Variants in ANKRD30BL observed in about 807,000 individuals in gnomAD.
ANKRD30BL encodes putative ankyrin repeat domain-containing protein 30B-like.
A neutral mutation model predicts 18.4 loss-of-function variants in ANKRD30BL; 20 were observed. The observed-to-expected ratio is 1.09, with a 90% CI of 0.77 to 1.58. The LOEUF is 1.58. Among genes scored for constraint, ANKRD30BL ranks in the 40% most tolerant of loss-of-function variants. The pLI, the probability that ANKRD30BL is intolerant of heterozygous loss-of-function variation, is 0.00. For synonymous variants in ANKRD30BL, 72 were observed against 100.9 expected (o/e 0.71, Z 1.72); for missense variants, 224 against 268.6 (o/e 0.83, Z 1.16).
chr2:132,254,880 C>A (rs530911759), intron 1 of ANKRD30BL, among the ~76,000 whole-genome samples: 33 of 152,326 alleles, frequency 2.2e-4, no homozygotes, highest in Non-Finnish European at 4.3e-4. Flanking sequence ...CATGCACCAC[C>A]ACCCGTGGAA....
At chr2:132,236,632 C>G (rs1680159333) in intron 1 of ANKRD30BL, among the ~76,000 whole-genome samples, 1 of 152,144 alleles carries the variant, frequency 6.6e-6, no homozygotes, top group Non-Finnish European at 1.5e-5. Flanking sequence ...ACAACACATG[C>G]TGGAGACGAT....
chr2:132,244,551 T>G (rs150102472), intron 1 of ANKRD30BL, among the ~76,000 whole-genome samples: 1 of 152,350 alleles, frequency 6.6e-6, no homozygotes, highest in Admixed American at 6.5e-5. Flanking sequence ...ATGGAAACTT[T>G]GAGTGCTTTG....
chr2:132,221,578 A>C (rs113743174), intron 1 of ANKRD30BL, among the ~76,000 whole-genome samples: 227 of 81,966 alleles, frequency 2.8e-3, no homozygotes, highest in Middle Eastern at 0.026. Flanking sequence ...CCAGCCGCCC[A>C]GTCTGGGAGG....
In ANKRD30BL at chr2:132,154,758, G is replaced by A. The variant is rs1206468845; in HGVS notation, c.518C>T (p.Thr173Ile). The A allele has an allele frequency of 5.6e-6, 4 of 711,378 alleles. No homozygotes were observed. The East Asian group carries it at 1.1e-4, about 19-fold the overall frequency. 44.1% of individuals were successfully genotyped at this position (711,378 alleles called of 1,614,324 possible). A position where few individuals can be genotyped will look rare whatever the true frequency, so the allele number is the denominator to read the frequency against. The stretch of plus-strand genomic sequence containing the variant: ...TTTCCTTATGGCCAGTAAAAGTGGT[G>A]TGTGGCCAGCCTGTAAAACAGCAAA... ...DIEVKNKAGHTPLLLAIRKRS... is the reference protein window; with the variant it reads ...DIEVKNKAGHIPLLLAIRKRS... Residue 173 changes from threonine to isoleucine, a missense_variant, in exon 4 of 6, where the codon ACA (threonine) becomes ATA (isoleucine). By Grantham distance (89) the Thr-to-Ile change is moderately conservative. Transcript: ENST00000409867.
chr2:132,226,777 G>A (rs896711191), intron 1 of ANKRD30BL, among the ~76,000 whole-genome samples: 16 of 151,564 alleles, frequency 1.1e-4, no homozygotes, highest in African/African-American at 3.9e-4. Flanking sequence ...CCTTTCTTTT[G>A]ATTGAGAATT....
chr2:132,154,244 C>A (rs1358108794), intron 4 of ANKRD30BL, among the ~76,000 whole-genome samples: 2 of 152,262 alleles, frequency 1.3e-5, no homozygotes, highest in South Asian at 2.1e-4. Context: ...AGATAACAGA[C>A]AACAGCTACC....
chr2:132,178,614 G>T (rs2104945820), intron 1 of ANKRD30BL, among the ~76,000 whole-genome samples: 1 of 127,246 alleles, frequency 7.9e-6, no homozygotes, highest in Admixed American at 8.1e-5. Context: ...TCTAGACCAA[G>T]AAGATATTTT....
In ANKRD30BL at chr2:132,175,821, A is replaced by C. The variant is rs534905476; in HGVS notation, n.442-18675T>G. Among the ~76,000 whole-genome samples, 30 of 152,356 alleles carry C rather than the reference A, an allele frequency of 2.0e-4. No individual in the cohort carries two copies. In the South Asian group the frequency reaches 6.0e-3, roughly 31 times the overall value. On this transcript the variant is annotated intron_variant and non_coding_transcript_variant, in intron 1 of 4. Transcript: ENST00000470729. ...ATTTTGTTAACAAGGCACATCCTGC[A>C]CAGCCCTAGATCCCTTAAACCTTGA...
intron 1 of ANKRD30BL, among the ~76,000 whole-genome samples, chr2:132,188,924 T>TG (rs1558925149): frequency 6.6e-6 from 1 of 152,116 alleles, no homozygotes; most frequent in Non-Finnish European, 1.5e-5. Flanking sequence ...GTCCTGGACT[T>TG]GCAAGGGCCT....
chr2:132,221,445 C>A (rs1205627097), intron 1 of ANKRD30BL, among the ~76,000 whole-genome samples: 4 of 132,400 alleles, frequency 3.0e-5, no homozygotes, highest in African/African-American at 9.9e-5. Flanking sequence ...GCCTGGCCAG[C>A]CACCCCGTCC....
intron 1 of ANKRD30BL, among the ~76,000 whole-genome samples, chr2:132,158,643 T>G (rs1230488681): frequency 6.6e-6 from 1 of 150,946 alleles, no homozygotes. Context: ...TCAGCTTACA[T>G]GTGATAAATT....
intron 1 of ANKRD30BL, among the ~76,000 whole-genome samples, chr2:132,211,441 T>C (rs1679346105): frequency 6.6e-6 from 1 of 152,260 alleles, no homozygotes; most frequent in African/African-American, 2.4e-5. Flanking sequence ...TTCTGTGTGA[T>C]ATATGCATTC....
Position 132,161,837 on chromosome 2 carries a change from G to A in ANKRD30BL, c.-132C>T. ...AGACTAGAAATCTCAGTCGGGCCAA[G>A]CTTTTGGACACTCCAACCTCTCCCG... On this transcript the variant is annotated 5_prime_UTR_variant, in exon 1 of 6. Coordinates refer to ENST00000409867, the MANE Select transcript of ANKRD30BL (RefSeq NM_001358416.1). 2 of 622,120 alleles carry A rather than the reference G, an allele frequency of 3.2e-6. No homozygotes were observed. The highest frequency in any genetic ancestry group is 2.0e-5 in the South Asian group (1 of 50,894). The allele number at this position is 622,120 out of a possible 1,614,324, so 38.5% of individuals were successfully genotyped here. A position where few individuals can be genotyped will look rare whatever the true frequency, so the allele number is the denominator to read the frequency against.
At chr2:132,237,325 G>A (rs1002803182) in intron 1 of ANKRD30BL, among the ~76,000 whole-genome samples, 2 of 151,970 alleles carry the variant, frequency 1.3e-5, no homozygotes, top group South Asian at 2.1e-4. Context: ...ACTTTGTGAT[G>A]GGTGTACTCA....
chr2:132,176,684 G>A (rs1434681568), intron 1 of ANKRD30BL, among the ~76,000 whole-genome samples: 4 of 152,106 alleles, frequency 2.6e-5, no homozygotes, highest in Middle Eastern at 3.4e-3. Flanking sequence ...CCAGATACTC[G>A]GGAGGCTGAG....
At chr2:132,256,322 G>T (rs1352528218) in intron 1 of ANKRD30BL, among the ~76,000 whole-genome samples, 4 of 145,730 alleles carry the variant, frequency 2.7e-5, no homozygotes, top group Non-Finnish European at 4.6e-5. Flanking sequence ...GGAGGGGGGT[G>T]GTGGGGCGGC....
intron 1 of ANKRD30BL, among the ~76,000 whole-genome samples, chr2:132,177,137 T>C (rs915010809): frequency 3.3e-5 from 5 of 152,054 alleles, no homozygotes; most frequent in Admixed American, 3.3e-4. Flanking sequence ...TGCCATTTCC[T>C]TAGCCAGATG....
intron 5 of ANKRD30BL, among the ~76,000 whole-genome samples, chr2:132,150,413 T>C (rs1292285779): frequency 6.6e-6 from 1 of 151,696 alleles, no homozygotes; most frequent in Non-Finnish European, 1.5e-5. Flanking sequence ...AGATGTTCTA[T>C]TATTTGTGGC....
rs556071246 is a variant in ANKRD30BL, at chr2:132,216,619, C to T, written n.441+40910G>A. Among the ~76,000 whole-genome samples the T allele has an allele frequency of 2.6e-5, 4 of 151,816 alleles. No homozygotes were observed. In the East Asian group the frequency reaches 5.8e-4, roughly 22 times the overall value. Reference sequence around the variant, plus strand: ...TTGAACATTTCTTTTGATTGAGCACCTTTGAAACATTATTTTTGTAGGATC... The same window carrying T: ...TTGAACATTTCTTTTGATTGAGCACTTTTGAAACATTATTTTTGTAGGATC... On this transcript the variant is annotated intron_variant and non_coding_transcript_variant, in intron 1 of 4. Transcript: ENST00000470729.
Sources: gnomAD v4.1 joint callset for allele counts (sites outside exome capture counted in the v4.1 genomes callset) on GRCh38, gnomAD v4.1.1 for gene constraint, MANE v1.5 for transcripts, NCBI Gene and HGNC (gene_info 2026-07-23, HGNC 2026-07-21) for gene names.